Variants in TMEM117 observed in about 807,000 individuals in gnomAD.
TMEM117 encodes the protein transmembrane protein 117.
Under a neutral mutation model 52.4 loss-of-function variants are expected in TMEM117, and 27 were observed. That is an observed-to-expected ratio of 0.51 (90% CI 0.38 to 0.71). TMEM117 has a LOEUF of 0.71. Among genes scored for constraint, TMEM117 ranks in the 30% least tolerant of loss-of-function variants. The probability of loss-of-function intolerance (pLI) is 0.00; values close to 1 mark genes in which losing one functional copy is unlikely to be tolerated. For missense variants in TMEM117, 556 were observed against 630.5 expected (o/e 0.88, Z 1.26); for synonymous variants, 215 against 206.3 (o/e 1.04, Z -0.36).
At position 43,845,392 on chromosome 12, in the gene TMEM117, C is replaced by T. The variant is rs1257873493; in HGVS notation, c.277+464C>T. The stretch of plus-strand genomic sequence containing the variant: ...GGGAGAATCGCTTGAACCTGGGAGG[C>T]GGAGGTTGCAGTGAGCCAAGATTGC... On this transcript the variant is annotated intron_variant, in intron 2 of 7. Coordinates refer to ENST00000266534, the MANE Select transcript of TMEM117 (RefSeq NM_032256.3). 3.9e-5 allele frequency among the ~76,000 whole-genome samples: 5 copies of T among 127,924 alleles called. No homozygotes were observed. The East Asian group carries it at 1.0e-3, about 26-fold the overall frequency. 83.9% of individuals were successfully genotyped at this position (127,924 alleles called of 152,430 possible).
chr12:44,326,802 G>A (rs981293834), intron 6 of TMEM117, among the ~76,000 whole-genome samples: 2 of 152,106 alleles, frequency 1.3e-5, no homozygotes, highest in Non-Finnish European at 2.9e-5. Flanking sequence ...CAAATGTGTC[G>A]CCCAAATGAA....
chr12:44,118,348 G>A (rs570292455), intron 3 of TMEM117, among the ~76,000 whole-genome samples: 1 of 152,138 alleles, frequency 6.6e-6, no homozygotes, highest in Non-Finnish European at 1.5e-5. Context: ...CGTTAACTGT[G>A]GTTTAGAAGA....
At chr12:44,115,468 C>T (rs115790981) in intron 3 of TMEM117, among the ~76,000 whole-genome samples, 403 of 152,126 alleles carry the variant, frequency 2.6e-3, no homozygotes, top group African/African-American at 9.5e-3. Flanking sequence ...TTAAAAAACC[C>T]GCTATGCCAT....
intron 4 of TMEM117, among the ~76,000 whole-genome samples, chr12:44,194,722 T>G (rs1299726042): frequency 6.6e-6 from 1 of 152,062 alleles, no homozygotes; most frequent in Non-Finnish European, 1.5e-5. Flanking sequence ...TCCCAGCTAC[T>G]TGGGAGGCTG....
intron 6 of TMEM117, among the ~76,000 whole-genome samples, chr12:44,327,220 T>A (rs1053111144): frequency 6.6e-6 from 1 of 152,058 alleles, no homozygotes. Flanking sequence ...ATTGAAGAGG[T>A]GATTACAACT....
chr12:43,866,200 A>T (rs1943595170), intron 2 of TMEM117, among the ~76,000 whole-genome samples: 1 of 151,846 alleles, frequency 6.6e-6, no homozygotes. Flanking sequence ...TGATGATATG[A>T]ATGATGGTTA....
chr12:44,388,912 T>G lies in TMEM117; in HGVS notation c.*240T>G. 1 of 489,420 alleles carries G rather than the reference T, an allele frequency of 2.0e-6. No individual in the cohort carries two copies. Among genetic ancestry groups the G allele is most frequent in the Non-Finnish European group, 3.7e-6 (1 of 273,928 alleles). 30.3% of individuals were successfully genotyped at this position (489,420 alleles called of 1,614,324 possible). A position where few individuals can be genotyped will look rare whatever the true frequency, so the allele number is the denominator to read the frequency against. On this transcript the variant is annotated 3_prime_UTR_variant, in exon 8 of 8. Transcript: ENST00000266534. Reference sequence around the variant, plus strand: ...TTGCTTTTCACAATTGCACAAGCTATTACTGACTTTACAGCATAGTGGAAG... The same window carrying G: ...TTGCTTTTCACAATTGCACAAGCTAGTACTGACTTTACAGCATAGTGGAAG...
chr12:43,912,345 T>G (rs1407728468), intron 2 of TMEM117, among the ~76,000 whole-genome samples: 6 of 149,170 alleles, frequency 4.0e-5, no homozygotes, highest in African/African-American at 1.5e-4. Context: ...TGGGGACTGT[T>G]GTGGGGTGGG....
At chr12:44,255,694 T>C (rs902035862) in intron 5 of TMEM117, among the ~76,000 whole-genome samples, 2 of 152,022 alleles carry the variant, frequency 1.3e-5, no homozygotes, top group African/African-American at 2.4e-5. Flanking sequence ...CATACACATA[T>C]ACATGCATAG....
the TMEM117 span, among the ~76,000 whole-genome samples, chr12:43,813,231 G>GTTTTTTTTTTTTTTTTT: frequency 2.9e-4 from 18 of 62,666 alleles, 3 homozygotes; most frequent in East Asian, 1.0e-3. Context: ...GTTTTCTCTT[G>GTTTTTTTTTTTTTTTTT]TTTTTTTTTT....
chr12:44,189,896 T>C (rs117665579), intron 4 of TMEM117, among the ~76,000 whole-genome samples: 2,842 of 152,360 alleles, frequency 0.019, 46 homozygotes, highest in South Asian at 0.039. Context: ...CTGAAAATTA[T>C]ATGAAATTGT....
chr12:43,813,231 G>GTTGTTTTTTTTTTTTTTTTTTTTTT, the TMEM117 span, among the ~76,000 whole-genome samples: 3 of 62,616 alleles, frequency 4.8e-5, no homozygotes, highest in African/African-American at 1.8e-4. Context: ...GTTTTCTCTT[G>GTTGTTTTTTTTTTTTTTTTTTTTTT]TTTTTTTTTT....
intron 5 of TMEM117, among the ~76,000 whole-genome samples, chr12:44,222,083 G>T (rs1035310921): frequency 6.6e-6 from 1 of 152,090 alleles, no homozygotes; most frequent in Non-Finnish European, 1.5e-5. Flanking sequence ...ATCTTTGATG[G>T]TCTCAACTGT....
chr12:43,818,698 T>G, the TMEM117 span, among the ~76,000 whole-genome samples: 2 of 152,100 alleles, frequency 1.3e-5, no homozygotes, highest in African/African-American at 4.8e-5. Flanking sequence ...CCGCCTTGGC[T>G]TCTCAAAGTG....
At chr12:43,974,215 G>A (rs538457844) in intron 3 of TMEM117, among the ~76,000 whole-genome samples, 103 of 152,178 alleles carry the variant, frequency 6.8e-4, no homozygotes, top group Non-Finnish European at 8.2e-4. Flanking sequence ...CAGAGTAGTG[G>A]CACGTTATTG....
At chr12:44,116,806 C>T (rs12303013) in intron 3 of TMEM117, among the ~76,000 whole-genome samples, 2,376 of 152,274 alleles carry the variant, frequency 0.016, 68 homozygotes, top group African/African-American at 0.054. Context: ...TATTGGTTCT[C>T]ATCCCTTAAA....
chr12:44,135,680 G>T (rs934319656), intron 3 of TMEM117, among the ~76,000 whole-genome samples: 6 of 152,190 alleles, frequency 3.9e-5, no homozygotes, highest in African/African-American at 1.4e-4. Context: ...AGAAAGAAAA[G>T]AAATTGTCAC....
At chr12:43,865,014 A>G (rs1053599639) in intron 2 of TMEM117, among the ~76,000 whole-genome samples, 1 of 152,106 alleles carries the variant, frequency 6.6e-6, no homozygotes, top group African/African-American at 2.4e-5. Context: ...GAAGGTCTGC[A>G]GCTTCACTCC....
chr12:44,017,771 A>T (rs1946395205), intron 3 of TMEM117, among the ~76,000 whole-genome samples: 1 of 152,220 alleles, frequency 6.6e-6, no homozygotes, highest in African/African-American at 2.4e-5. Flanking sequence ...AGGTAATGTT[A>T]TTATTTAAAT....
Sources: gnomAD v4.1 joint callset for allele counts (sites outside exome capture counted in the v4.1 genomes callset) on GRCh38, gnomAD v4.1.1 for gene constraint, MANE v1.5 for transcripts, NCBI Gene and HGNC (gene_info 2026-07-23, HGNC 2026-07-21) for gene names.